GSTA1: variants seen among roughly 807,000 people sequenced by gnomAD.
GSTA1 encodes the protein glutathione S-transferase A1.
Under a neutral mutation model 21.5 loss-of-function variants are expected in GSTA1, and 23 were observed. That is an observed-to-expected ratio of 1.07 (90% CI 0.77 to 1.52). The LOEUF (loss-of-function observed/expected upper bound fraction) is 1.52. Ranked by LOEUF, GSTA1 falls within the 40% of genes most tolerant of loss-of-function variation. GSTA1 has a pLI of 0.00. For synonymous variants in GSTA1, 125 were observed against 90.0 expected (o/e 1.39, Z -2.20); for missense variants, 301 against 264.2 (o/e 1.14, Z -0.96).
At chr6:52,803,275 T>C (rs1763758108) in intron 1 of GSTA1, among the ~76,000 whole-genome samples, 2 of 152,182 alleles carry the variant, frequency 1.3e-5, no homozygotes, top group Admixed American at 1.3e-4. Context: ...AGACAGAATA[T>C]GACTTGTCTT....
At chr6:52,793,639 A>G (rs1258242744) in intron 5 of GSTA1, among the ~76,000 whole-genome samples, 2 of 152,166 alleles carry the variant, frequency 1.3e-5, no homozygotes, top group African/African-American at 4.8e-5. Context: ...ATTTTAAAAA[A>G]TCTTCCTCTG....
intron 4 of GSTA1, 68 bp downstream of exon 4, chr6:52,796,114 C>A: frequency 6.2e-7 from 1 of 1,607,858 alleles, no homozygotes; most frequent in Non-Finnish European, 8.5e-7. Context: ...CATCGTCCCA[C>A]CCACTCAAGG....
rs1763656789 is a variant in GSTA1, at chr6:52,799,244, G to A, written c.24C>T (p.His8=). The part of the protein sequence containing the change: MAEKPKL[H]YFNARGRMES... ...CCATTCTGCCCCGTGCATTGAAGTAGTGGAGCTTGGGCTTCTCTGCCATGA... is the reference window on the plus strand; with the variant it reads ...CCATTCTGCCCCGTGCATTGAAGTAATGGAGCTTGGGCTTCTCTGCCATGA... Residue 8 remains histidine, a synonymous_variant, in exon 2 of 7, where the codon CAC becomes CAT. Transcript: ENST00000334575. The A allele has an allele frequency of 1.9e-6, 3 of 1,613,818 alleles. No homozygotes were observed. Among genetic ancestry groups the A allele is most frequent in the Admixed American group, 3.3e-5 (2 of 59,958 alleles).
chr6:52,793,126 A>C, intron 5 of GSTA1, 139 bp from the exon 6 acceptor site: 4 of 1,185,948 alleles, frequency 3.4e-6, no homozygotes, highest in Non-Finnish European at 4.9e-6. Context: ...AGCTTTCTCC[A>C]CATTATCTGA....
At chr6:52,803,399 A>G (rs1763760707) in intron 1 of GSTA1, among the ~76,000 whole-genome samples, 1 of 152,194 alleles carries the variant, frequency 6.6e-6, no homozygotes, top group South Asian at 2.1e-4. Flanking sequence ...ATATAGAATT[A>G]CAGTGTCACA....
intron 1 of GSTA1, among the ~76,000 whole-genome samples, chr6:52,800,943 G>A (rs1326146521): frequency 1.3e-5 from 2 of 152,154 alleles, no homozygotes; most frequent in Non-Finnish European, 2.9e-5. Context: ...GAGCAATGGC[G>A]TGATCTTGGC....
intron 3 of GSTA1, among the ~76,000 whole-genome samples, chr6:52,796,813 T>A (rs191924619): frequency 1.3e-3 from 201 of 152,052 alleles, no homozygotes; most frequent in Non-Finnish European, 2.1e-3. Context: ...AAACTGGGAT[T>A]ACAGGCATGA....
intron 6 of GSTA1, among the ~76,000 whole-genome samples, chr6:52,792,181 T>C (rs1382534401): frequency 6.6e-6 from 1 of 152,154 alleles, no homozygotes; most frequent in Non-Finnish European, 1.5e-5. Context: ...CCCAAAGATG[T>C]CTTGAAGTTT....
Position 52,796,177 on chromosome 6 carries a change from C to T in GSTA1, c.272+5G>A, listed in dbSNP as rs372553522. 3.7e-5 allele frequency: 59 copies of T among 1,612,636 alleles called. No individual in the cohort carries two copies. Among genetic ancestry groups the T allele is most frequent in the African/African-American group, 3.1e-4 (23 of 74,790 alleles). ...GTGGATGGAAGAACAGAAAATATAC[C>T]GTACAGGGCTCTCTCCTTTATGTCT... On this transcript the variant is annotated splice_donor_5th_base_variant and intron_variant, in intron 4 of 6. Coordinates refer to ENST00000334575, the MANE Select transcript of GSTA1 (RefSeq NM_145740.5).
At chr6:52,799,766 G>A (rs1049797152) in intron 1 of GSTA1, among the ~76,000 whole-genome samples, 5 of 152,078 alleles carry the variant, frequency 3.3e-5, no homozygotes, top group Admixed American at 1.3e-4. Context: ...GTCACACTCC[G>A]GTTGGTGATG....
intron 3 of GSTA1, 111 bp from the exon 4 acceptor site, chr6:52,796,425 T>G: frequency 7.1e-7 from 1 of 1,408,852 alleles, no homozygotes; most frequent in Non-Finnish European, 9.7e-7. Flanking sequence ...AAGAAATTAC[T>G]GCCTGGTAAG....
Position 52,796,318 on chromosome 6 carries a change from T to C in GSTA1, c.140-4A>G, listed in dbSNP as rs756895832. The C allele has an allele frequency of 1.2e-5, 19 of 1,613,548 alleles. No homozygotes were observed. In the South Asian group the frequency reaches 2.0e-4, roughly 17 times the overall value. Reference sequence around the variant, plus strand: ...TGCTGGAACATCAAATATCCATCTTTAGAAGGAAGAAAAAAAAGGAGAGTG... The same window carrying C: ...TGCTGGAACATCAAATATCCATCTTCAGAAGGAAGAAAAAAAAGGAGAGTG... On this transcript the variant is annotated splice_polypyrimidine_tract_variant and splice_region_variant and intron_variant, in intron 3 of 6. Transcript: ENST00000334575.
chr6:52,800,320 C>T (rs540057150), intron 1 of GSTA1, among the ~76,000 whole-genome samples: 1 of 152,188 alleles, frequency 6.6e-6, no homozygotes, highest in Non-Finnish European at 1.5e-5. Flanking sequence ...CTGTTAAAAA[C>T]CAAGGACTGA....
At chr6:52,796,073 G>A (rs954960808) in intron 4 of GSTA1, 109 bp downstream of exon 4, 16 of 1,539,578 alleles carry the variant, frequency 1.0e-5, no homozygotes, top group East Asian at 2.2e-5. Context: ...CATGCCCAAG[G>A]CCCAGCCTGC....
rs1581795195 is a variant in GSTA1 at position 52,796,266 on chromosome 6, A to G, written c.188T>C (p.Met63Thr). 6 of 1,613,692 alleles carry G rather than the reference A, an allele frequency of 3.7e-6. No individual in the cohort carries two copies. The African/African-American group carries it at 8.0e-5, about 22-fold the overall frequency. ...AATGGCTCTGGTCTGCACCAGCTTC[A>G]TCCCATCAATCTCAACCATTGGCAC... Reference protein sequence around the residue: ...QQVPMVEIDGMKLVQTRAILN... With the variant: ...QQVPMVEIDGTKLVQTRAILN... Residue 63 changes from methionine (M) to threonine (T), a missense_variant, in exon 4 of 7, where the codon ATG becomes ACG. Met to Thr is a moderately conservative substitution (Grantham distance 81, BLOSUM62 -1). Transcript: ENST00000334575.
intron 6 of GSTA1, 154 bp downstream of exon 6, chr6:52,792,702 C>A (rs1763485445): frequency 1.3e-6 from 2 of 1,576,720 alleles, no homozygotes; most frequent in Non-Finnish European, 1.7e-6. Flanking sequence ...GTTTTCATTC[C>A]TCAAAATTGG....
chr6:52,793,661 C>T (rs1581792978), intron 5 of GSTA1, among the ~76,000 whole-genome samples: 1 of 152,206 alleles, frequency 6.6e-6, no homozygotes, highest in South Asian at 2.1e-4. Context: ...ATCCCACAAT[C>T]ACTCTCCTTT....
chr6:52,792,014 C>T, intron 6 of GSTA1, 34 bp from the exon 7 acceptor site: 1 of 1,612,612 alleles, frequency 6.2e-7, no homozygotes, highest in Non-Finnish European at 8.5e-7. Flanking sequence ...CAGAGTGAAG[C>T]CAAGGGCTGA....
intron 2 of GSTA1, among the ~76,000 whole-genome samples, chr6:52,798,609 AATAAAT>A (rs1309851119): frequency 1.6e-4 from 20 of 121,398 alleles, no homozygotes; most frequent in African/African-American, 5.4e-4. Flanking sequence ...TATGAACATG[AATAAAT>A]ATAAACAGAA....
Sources: gnomAD v4.1 joint callset for allele counts (sites outside exome capture counted in the v4.1 genomes callset) on GRCh38, gnomAD v4.1.1 for gene constraint, MANE v1.5 for transcripts, NCBI Gene and HGNC (gene_info 2026-07-23, HGNC 2026-07-21) for gene names.